EXOC6B: variants seen among roughly 807,000 people sequenced by gnomAD.
The protein encoded by EXOC6B is SEC15 homolog B.
EXOC6B carries 54 observed loss-of-function variants against 113.5 expected under a neutral mutation model. The ratio of observed to expected loss-of-function variants is 0.48; its 90% CI spans 0.38 to 0.60. The LOEUF (loss-of-function observed/expected upper bound fraction) is 0.60, where lower values mean the gene tolerates loss of function less well. Ranked by LOEUF, EXOC6B falls within the 20% of genes least tolerant of loss-of-function variation. The probability of loss-of-function intolerance (pLI) is 0.00; values close to 1 mark genes in which losing one functional copy is unlikely to be tolerated. For synonymous variants in EXOC6B, 357 were observed against 339.0 expected (o/e 1.05, Z -0.58); for missense variants, 797 against 977.5 (o/e 0.82, Z 2.46).
chr2:72,512,314 CGGAAGGAA>C (rs745543998), intron 11 of EXOC6B, among the ~76,000 whole-genome samples: 5 of 107,554 alleles, frequency 4.6e-5, no homozygotes, highest in Admixed American at 1.2e-4. Context: ...TTAAGAAACA[CGGAAGGAA>C]GGAAGGAAGG....
chr2:72,178,420 AT>A lies in EXOC6B; in HGVS notation c.*914del, dbSNP rs1316432718. ...GGCTTCCGAAATCTGAACTATTTCA[AT>A]GGCATTACTGGAGGAGGCTAAGTCT... On this transcript the variant is annotated 3_prime_UTR_variant, in exon 22 of 22. Transcript: ENST00000272427. 6.6e-6 allele frequency: 1 copy of A among 152,266 alleles called. No homozygotes were observed. Among genetic ancestry groups the A allele is most frequent in the Non-Finnish European group, 1.5e-5 (1 of 68,058 alleles). 9.4% of individuals were successfully genotyped at this position (152,266 alleles called of 1,614,324 possible).
At chr2:72,559,083 A>T (rs958158099) in intron 8 of EXOC6B, among the ~76,000 whole-genome samples, 1 of 152,210 alleles carries the variant, frequency 6.6e-6, no homozygotes, top group African/African-American at 2.4e-5. Context: ...TATGCTTTAT[A>T]TGACAAAAGG....
chr2:72,573,707 C>T (rs1704648692), intron 7 of EXOC6B, among the ~76,000 whole-genome samples: 1 of 152,136 alleles, frequency 6.6e-6, no homozygotes, highest in Non-Finnish European at 1.5e-5. Flanking sequence ...TAATGTACTT[C>T]ATTTACATAA....
chr2:72,598,269 G>C (rs1405526361), intron 6 of EXOC6B, among the ~76,000 whole-genome samples: 2 of 151,762 alleles, frequency 1.3e-5, no homozygotes, highest in Non-Finnish European at 2.9e-5. Flanking sequence ...ATCAATAACA[G>C]AAAATTCCAA....
chr2:72,816,095 G>A (rs1686225768), intron 1 of EXOC6B, among the ~76,000 whole-genome samples: 1 of 152,168 alleles, frequency 6.6e-6, no homozygotes, highest in African/African-American at 2.4e-5. Flanking sequence ...GGAGGCGGAG[G>A]TTGCAGTAAG....
At chr2:72,260,631 G>T (rs1474580974) in intron 20 of EXOC6B, among the ~76,000 whole-genome samples, 2 of 152,158 alleles carry the variant, frequency 1.3e-5, no homozygotes, top group Non-Finnish European at 2.9e-5. Flanking sequence ...AAGGGGAGTG[G>T]GGGAGTAAAA....
At chr2:72,375,618 A>G (rs1244901850) in intron 19 of EXOC6B, among the ~76,000 whole-genome samples, 1 of 152,226 alleles carries the variant, frequency 6.6e-6, no homozygotes, top group African/African-American at 2.4e-5. Flanking sequence ...ATGAATAAAA[A>G]TTAAAACATG....
At chr2:72,217,255 G>A (rs1332944429) in intron 20 of EXOC6B, among the ~76,000 whole-genome samples, 2 of 151,980 alleles carry the variant, frequency 1.3e-5, no homozygotes, top group Admixed American at 6.6e-5. Flanking sequence ...AAAACATCAT[G>A]CAATTCTGGT....
intron 17 of EXOC6B, among the ~76,000 whole-genome samples, chr2:72,478,780 T>C (rs1698901690): frequency 1.3e-5 from 2 of 152,252 alleles, no homozygotes; most frequent in Non-Finnish European, 1.5e-5. Flanking sequence ...AGAGTATCAG[T>C]GGATACCACA....
intron 20 of EXOC6B, among the ~76,000 whole-genome samples, chr2:72,300,571 G>GA (rs1372169159): frequency 1.3e-5 from 2 of 151,942 alleles, no homozygotes; most frequent in East Asian, 1.9e-4. Context: ...CTGGGGTATG[G>GA]AAAAAAAACT....
chr2:72,514,427 C>T (rs1040962376), intron 10 of EXOC6B, among the ~76,000 whole-genome samples: 7 of 151,432 alleles, frequency 4.6e-5, no homozygotes, highest in African/African-American at 1.7e-4. Flanking sequence ...AAGTTGAAAC[C>T]AGCAGGGTGT....
chr2:72,470,999 G>A (rs1419193868), intron 17 of EXOC6B, among the ~76,000 whole-genome samples: 3 of 152,146 alleles, frequency 2.0e-5, no homozygotes, highest in Admixed American at 2.0e-4. Flanking sequence ...GGATGGCTGG[G>A]TCAAATGGTA....
Position 72,557,998 on chromosome 2 carries a change from T to C in EXOC6B, c.915+1455A>G, listed in dbSNP as rs139868143. 5.7e-4 allele frequency among the ~76,000 whole-genome samples: 86 copies of C among 151,210 alleles called. No homozygotes were observed. The East Asian group carries it at 0.011, about 20-fold the overall frequency. On this transcript the variant is annotated intron_variant, in intron 8 of 21. Coordinates refer to ENST00000272427, the MANE Select transcript of EXOC6B (RefSeq NM_015189.3). ...TTAAAATTTCTAAATGAGTATATGT[T>C]ACTTTAGTAGTAAGATATTCAGAGC...
chr2:72,222,446 G>C (rs1354958979), intron 20 of EXOC6B, among the ~76,000 whole-genome samples: 1 of 152,164 alleles, frequency 6.6e-6, no homozygotes, highest in Non-Finnish European at 1.5e-5. Context: ...GTTTATTCAA[G>C]AAGCTTCTTA....
intron 20 of EXOC6B, among the ~76,000 whole-genome samples, chr2:72,228,801 C>A (rs62147593): frequency 2.8e-4 from 43 of 152,144 alleles, no homozygotes; most frequent in African/African-American, 1.0e-3. Context: ...TGGCTGGGTC[C>A]AATGGTATTT....
intron 6 of EXOC6B, among the ~76,000 whole-genome samples, chr2:72,672,307 A>G (rs1675945468): frequency 6.6e-6 from 1 of 152,050 alleles, no homozygotes; most frequent in African/African-American, 2.4e-5. Flanking sequence ...ATCAACCTAC[A>G]TATCCATCAA....
intron 17 of EXOC6B, among the ~76,000 whole-genome samples, chr2:72,477,652 T>C: frequency 6.6e-6 from 1 of 152,248 alleles, no homozygotes; most frequent in Admixed American, 6.5e-5. Flanking sequence ...GAATACAATG[T>C]ACAGTATTTA....
intron 6 of EXOC6B, among the ~76,000 whole-genome samples, chr2:72,710,517 CA>C (rs1679206102): frequency 6.6e-6 from 1 of 152,064 alleles, no homozygotes; most frequent in South Asian, 2.1e-4. Context: ...ATACAAATAT[CA>C]AAATCAAGAA....
chr2:72,624,624 T>C (rs1671939776), intron 6 of EXOC6B, among the ~76,000 whole-genome samples: 1 of 152,072 alleles, frequency 6.6e-6, no homozygotes, highest in Non-Finnish European at 1.5e-5. Context: ...CACATATCTA[T>C]AGTACTAGCT....
Sources: allele counts gnomAD v4.1 joint callset (sites outside exome capture counted in the v4.1 genomes callset), GRCh38; gene constraint gnomAD v4.1.1; transcripts MANE v1.5; gene names NCBI Gene and HGNC (gene_info 2026-07-23, HGNC 2026-07-21).